KLF13: variants seen among roughly 807,000 people sequenced by gnomAD.
KLF13 encodes the protein Krueppel-like factor 13.
In KLF13, 8 loss-of-function variants were observed where a neutral mutation model predicts 16.7. The ratio of observed to expected loss-of-function variants is 0.48; its 90% CI spans 0.28 to 0.87. KLF13 has a LOEUF of 0.87. Ranked by LOEUF, KLF13 falls within the 40% of genes least tolerant of loss-of-function variation. The pLI is 0.10. For synonymous variants in KLF13, 245 were observed against 208.4 expected (o/e 1.18, Z -1.51); for missense variants, 447 against 452.2 (o/e 0.99, Z 0.10).
chr15:31,387,340 A>G (rs555999873), intron 1 of KLF13, among the ~76,000 whole-genome samples: 40 of 152,376 alleles, frequency 2.6e-4, no homozygotes, highest in African/African-American at 8.7e-4. Flanking sequence ...TCAACATTGA[A>G]TCAAGACCTT....
At position 31,377,380 on chromosome 15, in the gene KLF13, AGCAACTAT is replaced by A. The variant is rs2039666279; in HGVS notation, c.*5085_*5092del. 3 of 152,440 alleles carry A rather than the reference AGCAACTAT, an allele frequency of 2.0e-5. No individual in the cohort carries two copies. The highest frequency in any genetic ancestry group is 4.4e-5 in the Non-Finnish European group (3 of 68,018). 9.4% of individuals were successfully genotyped at this position (152,440 alleles called of 1,614,324 possible). A position where few individuals can be genotyped will look rare whatever the true frequency, so the allele number is the denominator to read the frequency against. On this transcript the variant is annotated 3_prime_UTR_variant, in exon 2 of 2. Coordinates refer to ENST00000307145, the MANE Select transcript of KLF13 (RefSeq NM_015995.4). The stretch of plus-strand genomic sequence containing the variant: ...CCTCAGCAGAAAGGAGGCACTACTG[AGCAACTAT>A]GCATTGTCATTGTCGGGTTTGGGGC...
chr15:31,348,008 C>T (rs1164279904), intron 1 of KLF13, among the ~76,000 whole-genome samples: 3 of 152,268 alleles, frequency 2.0e-5, no homozygotes, highest in Non-Finnish European at 4.4e-5. Context: ...GGCCACTCCA[C>T]ATGAGTCTGC....
chr15:31,383,708 G>C (rs1397822227), intron 1 of KLF13, among the ~76,000 whole-genome samples: 1 of 152,110 alleles, frequency 6.6e-6, no homozygotes, highest in Non-Finnish European at 1.5e-5. Flanking sequence ...AGACCATCCT[G>C]GCTAACACGG....
At chr15:31,332,574 A>T (rs1046128385) in intron 1 of KLF13, among the ~76,000 whole-genome samples, 1 of 152,238 alleles carries the variant, frequency 6.6e-6, no homozygotes, top group Non-Finnish European at 1.5e-5. Context: ...GACGCAGTTC[A>T]TTAAACCAGT....
chr15:31,337,709 C>T (rs2038954483), intron 1 of KLF13, among the ~76,000 whole-genome samples: 1 of 152,096 alleles, frequency 6.6e-6, no homozygotes, highest in South Asian at 2.1e-4. Context: ...CATTTTGTAT[C>T]TAAATATAGA....
At chr15:31,400,179 A>G (rs925735736) in intron 2 of KLF13, among the ~76,000 whole-genome samples, 7 of 152,188 alleles carry the variant, frequency 4.6e-5, no homozygotes, top group East Asian at 1.9e-4. Context: ...GCCTTCCTCA[A>G]TGGGGAAAAG....
chr15:31,397,170 G>A (rs1008588440), intron 2 of KLF13, among the ~76,000 whole-genome samples: 3 of 149,646 alleles, frequency 2.0e-5, no homozygotes, highest in South Asian at 2.1e-4. Flanking sequence ...GCAAAGGGGG[G>A]TTGGGAACAA....
At position 31,343,987 on chromosome 15, in the gene KLF13, A is replaced by G. The variant is rs1460966949; in HGVS notation, c.577+16198A>G. ...GGCAGCAGAGACAGGAGAGCCACGC[A>G]TTGCAAGTGGCCCATGCCTGGTTGC... On this transcript the variant is annotated intron_variant, in intron 1 of 1. Coordinates refer to ENST00000307145, the MANE Select transcript of KLF13 (RefSeq NM_015995.4). Among the ~76,000 whole-genome samples, 4 of 152,218 alleles carry G rather than the reference A, an allele frequency of 2.6e-5. No individual in the cohort carries two copies. The East Asian group carries it at 7.7e-4, about 29-fold the overall frequency.
chr15:31,432,692 C>T (rs2040488523), intron 1 of KLF13, among the ~76,000 whole-genome samples: 1 of 146,542 alleles, frequency 6.8e-6, no homozygotes, highest in South Asian at 2.1e-4. Flanking sequence ...TCAAGCGATC[C>T]TCTTGCCTTA....
intron 1 of KLF13, among the ~76,000 whole-genome samples, chr15:31,430,218 G>C (rs1437314993): frequency 1.3e-5 from 2 of 151,996 alleles, no homozygotes; most frequent in East Asian, 3.8e-4. Context: ...GTCACAAAGT[G>C]AAAGAAGATA....
chr15:31,426,242 A>T (rs959230631), intron 1 of KLF13, among the ~76,000 whole-genome samples: 1 of 152,198 alleles, frequency 6.6e-6, no homozygotes, highest in Non-Finnish European at 1.5e-5. Flanking sequence ...ACTGCCTGTT[A>T]CCTAGTTCCA....
chr15:31,328,615 C>T (rs958564992), intron 1 of KLF13, among the ~76,000 whole-genome samples: 2 of 151,890 alleles, frequency 1.3e-5, no homozygotes, highest in African/African-American at 4.8e-5. Context: ...GGGCGGGCGG[C>T]ACCTGCACCA....
chr15:31,354,708 G>T (rs557031453), intron 1 of KLF13, among the ~76,000 whole-genome samples: 1 of 152,254 alleles, frequency 6.6e-6, no homozygotes, highest in South Asian at 2.1e-4. Context: ...TTAAACTTCT[G>T]TTTGGAGAAC....
At chr15:31,429,109 G>A (rs982256378) in intron 1 of KLF13, among the ~76,000 whole-genome samples, 1 of 152,138 alleles carries the variant, frequency 6.6e-6, no homozygotes, top group African/African-American at 2.4e-5. Flanking sequence ...TTCTAAGGAT[G>A]GGGCGCTGTA....
chr15:31,378,338 TA>T (rs1451741763), downstream of KLF13, among the ~76,000 whole-genome samples: 1 of 152,166 alleles, frequency 6.6e-6, no homozygotes, highest in Non-Finnish European at 1.5e-5. Context: ...CCCCTGTTTC[TA>T]GCTACCAAAG....
intron 1 of KLF13, among the ~76,000 whole-genome samples, chr15:31,332,763 C>T (rs118018549): frequency 6.6e-5 from 10 of 152,272 alleles, no homozygotes; most frequent in Non-Finnish European, 1.3e-4. Context: ...GGGCAAAAGA[C>T]ATGGATGGCA....
intron 1 of KLF13, chr15:31,339,938 C>G: frequency 1.4e-6 from 1 of 702,330 alleles, no homozygotes; most frequent in Non-Finnish European, 2.6e-6. Flanking sequence ...CCTGCTCTGC[C>G]CACCCATGGA....
At chr15:31,422,315 T>C (rs536969283) in intron 1 of KLF13, among the ~76,000 whole-genome samples, 1 of 152,202 alleles carries the variant, frequency 6.6e-6, no homozygotes, top group South Asian at 2.1e-4. Flanking sequence ...TGACTCATAG[T>C]TCTTCATAGC....
At chr15:31,360,105 G>C (rs2039359463) in intron 1 of KLF13, among the ~76,000 whole-genome samples, 1 of 152,202 alleles carries the variant, frequency 6.6e-6, no homozygotes, top group Admixed American at 6.5e-5. Context: ...GCTTCTGGGG[G>C]CCTGGCCGTG....
Sources: gnomAD v4.1 joint callset for allele counts (sites outside exome capture counted in the v4.1 genomes callset) on GRCh38, gnomAD v4.1.1 for gene constraint, MANE v1.5 for transcripts, NCBI Gene and HGNC (gene_info 2026-07-23, HGNC 2026-07-21) for gene names.